The following HS6ST3 variants were observed in gnomAD, a reference collection of about 807,000 sequenced individuals.
HS6ST3 encodes heparan sulfate 6-O-sulfotransferase 3.
Under a neutral mutation model 36.7 loss-of-function variants are expected in HS6ST3, and 12 were observed. That is an observed-to-expected ratio of 0.33 (90% CI 0.21 to 0.53). The LOEUF is 0.53. Ranked by LOEUF, HS6ST3 falls within the 20% of genes least tolerant of loss-of-function variation. The probability of loss-of-function intolerance (pLI) is 0.95; values close to 1 mark genes in which losing one functional copy is unlikely to be tolerated. For missense variants in HS6ST3, 584 were observed against 640.9 expected (o/e 0.91, Z 0.96); for synonymous variants, 240 against 257.5 (o/e 0.93, Z 0.65).
Position 96,732,521 on chromosome 13 carries a change from T to C in HS6ST3, c.708-99969T>C, listed in dbSNP as rs151128873. 3.0e-3 allele frequency among the ~76,000 whole-genome samples: 454 copies of C among 152,292 alleles called. 5 individuals are homozygous for C. Among genetic ancestry groups the C allele is most frequent in the African/African-American group, 0.01 (417 of 41,578 alleles). ...CATTAGTCTGTGTGTCTTTTTTTAATGACAGTACCACCCTGTTTGGGTTCC... is the reference window on the plus strand; with the variant it reads ...CATTAGTCTGTGTGTCTTTTTTTAACGACAGTACCACCCTGTTTGGGTTCC... On this transcript the variant is annotated intron_variant, in intron 1 of 1. Transcript: ENST00000376705.
intron 1 of HS6ST3, among the ~76,000 whole-genome samples, chr13:96,166,275 A>G (rs74106361): frequency 0.013 from 1,973 of 152,106 alleles, 46 homozygotes; most frequent in African/African-American, 0.044. Flanking sequence ...TCATTTGCTA[A>G]TTGATCTTAT....
At position 96,314,601 on chromosome 13, in the gene HS6ST3, A is replaced by G. The variant is rs1046294546; in HGVS notation, c.707+223032A>G. Among the ~76,000 whole-genome samples, 18 of 152,216 alleles carry G rather than the reference A, an allele frequency of 1.2e-4. No homozygotes were observed. The East Asian group carries it at 2.7e-3, about 23-fold the overall frequency. On this transcript the variant is annotated intron_variant, in intron 1 of 1. Coordinates refer to ENST00000376705, the MANE Select transcript of HS6ST3 (RefSeq NM_153456.4). ...AGGGTAGATATTTTATGTTAAAAAA[A>G]TAGACCAACATTGTGAATAATTGTT...
chr13:96,297,141 T>C (rs570521417), intron 1 of HS6ST3, among the ~76,000 whole-genome samples: 1 of 152,272 alleles, frequency 6.6e-6, no homozygotes, highest in South Asian at 2.1e-4. Context: ...TCAAACTAAC[T>C]GTTTTTTACT....
intron 1 of HS6ST3, among the ~76,000 whole-genome samples, chr13:96,358,175 T>G (rs1281982706): frequency 6.6e-6 from 1 of 152,134 alleles, no homozygotes; most frequent in Non-Finnish European, 1.5e-5. Context: ...CTAATACATA[T>G]AGAAGACAAG....
intron 1 of HS6ST3, among the ~76,000 whole-genome samples, chr13:96,716,723 A>G (rs1332791925): frequency 1.3e-5 from 2 of 152,230 alleles, no homozygotes; most frequent in Non-Finnish European, 2.9e-5. Flanking sequence ...CTATCTAAAT[A>G]TATGCCTATC....
At chr13:96,306,168 A>T (rs751757943) in intron 1 of HS6ST3, among the ~76,000 whole-genome samples, 7 of 144,276 alleles carry the variant, frequency 4.9e-5, no homozygotes, top group Non-Finnish European at 1.0e-4. Context: ...CAGTGGCGTG[A>T]TCTCAACTCA....
intron 1 of HS6ST3, among the ~76,000 whole-genome samples, chr13:96,159,402 A>G (rs1348027354): frequency 6.6e-6 from 1 of 152,212 alleles, no homozygotes; most frequent in Non-Finnish European, 1.5e-5. Context: ...ATACTGTACC[A>G]GTAAACCATT....
chr13:96,099,922 G>A (rs1343877165), intron 1 of HS6ST3, among the ~76,000 whole-genome samples: 1 of 152,152 alleles, frequency 6.6e-6, no homozygotes, highest in Non-Finnish European at 1.5e-5. Flanking sequence ...AGCAAACACG[G>A]TTTGAAAGAA....
chr13:96,456,227 T>C (rs1481378945), intron 1 of HS6ST3, among the ~76,000 whole-genome samples: 2 of 152,194 alleles, frequency 1.3e-5, no homozygotes, highest in Non-Finnish European at 2.9e-5. Flanking sequence ...TAATTACTGA[T>C]GTGTAATACT....
intron 1 of HS6ST3, among the ~76,000 whole-genome samples, chr13:96,132,965 T>TA (rs928255105): frequency 7.2e-4 from 110 of 152,232 alleles, no homozygotes; most frequent in Non-Finnish European, 1.0e-3. Flanking sequence ...CATTTTTTTT[T>TA]AATCGGGTTA....
At chr13:96,707,733 A>G (rs1329511206) in intron 1 of HS6ST3, among the ~76,000 whole-genome samples, 1 of 152,188 alleles carries the variant, frequency 6.6e-6, no homozygotes, top group East Asian at 1.9e-4. Context: ...AGCTCATATA[A>G]AGATGCCCTG....
At chr13:96,148,347 TCA>T (rs1281246108) in intron 1 of HS6ST3, among the ~76,000 whole-genome samples, 2 of 152,192 alleles carry the variant, frequency 1.3e-5, no homozygotes, top group African/African-American at 4.8e-5. Context: ...TAAATATATC[TCA>T]CAGTCAATTA....
chr13:96,470,220 C>T (rs2055833998), intron 1 of HS6ST3, among the ~76,000 whole-genome samples: 1 of 151,944 alleles, frequency 6.6e-6, no homozygotes, highest in Admixed American at 6.6e-5. Context: ...AAATATGAAT[C>T]TATTACAAAA....
intron 1 of HS6ST3, among the ~76,000 whole-genome samples, chr13:96,147,131 C>T (rs566029630): frequency 6.6e-6 from 1 of 152,282 alleles, no homozygotes; most frequent in Non-Finnish European, 1.5e-5. Flanking sequence ...ACAGAGCAAA[C>T]GTGTTTTGTT....
chr13:96,765,419 A>G (rs1336312295), intron 1 of HS6ST3, among the ~76,000 whole-genome samples: 2 of 152,088 alleles, frequency 1.3e-5, no homozygotes, highest in Non-Finnish European at 2.9e-5. Context: ...TGTCTGTGTC[A>G]CCTTTAGCCT....
intron 1 of HS6ST3, among the ~76,000 whole-genome samples, chr13:96,662,711 A>C (rs1173345172): frequency 1.3e-5 from 2 of 152,180 alleles, no homozygotes; most frequent in Non-Finnish European, 1.5e-5. Context: ...ATGGTGCCAG[A>C]GTTCTTTTGT....
chr13:96,533,007 C>G (rs148457706), intron 1 of HS6ST3, among the ~76,000 whole-genome samples: 1 of 152,120 alleles, frequency 6.6e-6, no homozygotes, highest in South Asian at 2.1e-4. Context: ...GTGGTTTGCA[C>G]GCAGCATTTC....
At chr13:96,797,306 C>A (rs1181503668) in intron 1 of HS6ST3, among the ~76,000 whole-genome samples, 6 of 151,964 alleles carry the variant, frequency 3.9e-5, no homozygotes, top group Non-Finnish European at 8.8e-5. Context: ...CCAGACTGTC[C>A]CAGTAAACGG....
At chr13:96,230,483 A>G (rs995792018) in intron 1 of HS6ST3, among the ~76,000 whole-genome samples, 2 of 152,142 alleles carry the variant, frequency 1.3e-5, no homozygotes, top group South Asian at 2.1e-4. Flanking sequence ...TAGATGAAAT[A>G]TGGGTCTGGA....
Sources: allele counts gnomAD v4.1 joint callset (sites outside exome capture counted in the v4.1 genomes callset), GRCh38; gene constraint gnomAD v4.1.1; transcripts MANE v1.5; gene names NCBI Gene and HGNC (gene_info 2026-07-23, HGNC 2026-07-21).